The following TLN1 variants were observed in gnomAD, a reference collection of about 807,000 sequenced individuals.
The protein encoded by TLN1 is talin 1, also known as talin-1.
A neutral mutation model predicts 292.3 loss-of-function variants in TLN1; 56 were observed. That is an observed-to-expected ratio of 0.19 (90% CI 0.15 to 0.24). The LOEUF (loss-of-function observed/expected upper bound fraction) is 0.24, where lower values mean the gene tolerates loss of function less well. TLN1 is among the 10% of genes least tolerant of loss of function. The probability of loss-of-function intolerance (pLI) is 1.00; values close to 1 mark genes in which losing one functional copy is unlikely to be tolerated. For missense variants in TLN1, 2,433 were observed against 3,248.2 expected (o/e 0.75, Z 6.10); for synonymous variants, 1,119 against 1,253.7 (o/e 0.89, Z 2.27).
At chr9:35,725,125 G>C in intron 3 of TLN1, 99 bp downstream of exon 3, 17 of 1,529,014 alleles carry the variant, frequency 1.1e-5, no homozygotes, top group Non-Finnish European at 1.5e-5. Flanking sequence ...AGCATGGGGA[G>C]GGCTAAGAGA....
Position 35,724,341 on chromosome 9 carries a change from T to C in TLN1, c.512-7A>G. The C allele has an allele frequency of 2.5e-6, 4 of 1,614,166 alleles. No individual in the cohort carries two copies. Among genetic ancestry groups the C allele is most frequent in the Non-Finnish European group, 1.7e-6 (2 of 1,180,022 alleles). On this transcript the variant is annotated splice_polypyrimidine_tract_variant and splice_region_variant and intron_variant, in intron 5 of 56. Transcript: ENST00000314888. This position sits in a 1 kb window ranked among gnomAD's most constrained non-coding sequence, Gnocchi z 4.7. The stretch of plus-strand genomic sequence containing the variant: ...CCATGGTCCAGCCAGTTCACTGGGA[T>C]ACAGACAGTCCCCTCAGTGCCAAAC...
In TLN1 at chr9:35,717,130, G is replaced by T. The variant is rs780520865; in HGVS notation, c.2458+16C>A. 4 of 1,575,036 alleles carry T rather than the reference G, an allele frequency of 2.5e-6. No homozygotes were observed. The highest frequency in any genetic ancestry group is 1.4e-5 in the African/African-American group (1 of 73,452). On this transcript the variant is annotated intron_variant, in intron 19 of 56. Coordinates refer to ENST00000314888, the MANE Select transcript of TLN1 (RefSeq NM_006289.4). This position sits in a 1 kb window ranked among gnomAD's most constrained non-coding sequence, Gnocchi z 4.7. ...CCTGGTAGGGTTTTTTGTTTTCCTG[G>T]GGGTGCGTGTCTTACCAGCATCACC...
intron 2 of TLN1, 28 bp downstream of exon 2, chr9:35,725,537 C>G: frequency 6.2e-7 from 1 of 1,607,654 alleles, no homozygotes; most frequent in Admixed American, 1.7e-5. Context: ...AAGACTCCCA[C>G]TCCAGCCACC....
chr9:35,716,314 A>T, intron 20 of TLN1, 76 bp downstream of exon 20: 1 of 1,502,694 alleles, frequency 6.7e-7, no homozygotes, highest in Non-Finnish European at 9.1e-7. Context: ...CTCCCTCATC[A>T]GATGAGGGTG....
At chr9:35,708,736 T>C (rs929860590) in intron 33 of TLN1, among the ~76,000 whole-genome samples, 2 of 152,356 alleles carry the variant, frequency 1.3e-5, no homozygotes, top group African/African-American at 4.8e-5. Context: ...GAAAACTACA[T>C]AGCAAGGGTT....
chr9:35,712,979 A>G lies in TLN1; in HGVS notation c.3417T>C (p.Ala1139=). The change falls in exon 27 of 57, where the codon GCT becomes GCC. Residue 1139 remains alanine (A), a synonymous_variant. Coordinates refer to ENST00000314888, the MANE Select transcript of TLN1 (RefSeq NM_006289.4). ...RSLAQAARGV[A]ALTSDPAVQA... is the part of the protein sequence containing the mutation. The stretch of plus-strand genomic sequence containing the variant: ...GCACTGCAGGATCTGACGTCAGTGC[A>G]GCGACTCCCCTAGCGGCCTGGGCCA... 6.2e-7 allele frequency: 1 copy of G among 1,610,282 alleles called. No homozygotes were observed.
At position 35,704,600 on chromosome 9, in the gene TLN1, T is replaced by C; in HGVS notation, c.5880+69A>G. On this transcript the variant is annotated intron_variant, in intron 44 of 56. Transcript: ENST00000314888. This position sits in a 1 kb window ranked among gnomAD's most constrained non-coding sequence, Gnocchi z 6.9. ...GACAACAGGAGAGGGCTGAGAGGGC[T>C]GGAGGAGGATGGCAAAGGCTACAGA... 1.3e-6 allele frequency: 2 copies of C among 1,599,662 alleles called. No individual in the cohort carries two copies. Among genetic ancestry groups the C allele is most frequent in the Non-Finnish European group, 1.7e-6 (2 of 1,171,596 alleles).
Position 35,707,308 on chromosome 9 carries a change from G to A in TLN1, c.4773+40C>T, listed in dbSNP as rs116585564. 9.2e-4 allele frequency: 1,488 copies of A among 1,610,260 alleles called. 9 individuals carry two copies. In the African/African-American group the frequency reaches 0.017, roughly 19 times the overall value. ...CTCAGGAGTCCCTGGAAGATGAGGT[G>A]ATAAGCTGGCCCATCAGTTCCCCCT... On this transcript the variant is annotated intron_variant, in intron 36 of 56. Transcript: ENST00000314888. The surrounding 1 kb of genome is among the most constrained non-coding windows in gnomAD (Gnocchi z 5.6).
chr9:35,712,158 G>T, intron 27 of TLN1, 34 bp from the exon 28 acceptor site: 1 of 1,601,064 alleles, frequency 6.2e-7, no homozygotes, highest in South Asian at 1.1e-5. Flanking sequence ...TTGCCCAAGT[G>T]AAAAGAATTT....
In TLN1 at chr9:35,700,038, C is replaced by T. The variant is rs752190315; in HGVS notation, c.6704G>A (p.Arg2235Gln). ...ACACTCCCGGCCATAGTGCAGGGCT[C>T]GAAGCCGCACATCAGGGGCCACTTC... ...HPEVAPDVRL[R>Q]ALHYGRECAN... Residue 2235 changes from arginine to glutamine, a missense_variant, in exon 50 of 57, where the codon CGA becomes CAA. Physicochemically the swap from Arg to Gln is conservative, Grantham distance 43 (BLOSUM62 1). This residue lies in a region of TLN1 where 1,384 missense variants were observed against 1,699.6 expected (regional missense o/e 0.81). Transcript: ENST00000314888. 7.4e-6 allele frequency: 12 copies of T among 1,613,394 alleles called. No individual in the cohort carries two copies. Among genetic ancestry groups the T allele is most frequent in the African/African-American group, 1.3e-5 (1 of 74,992 alleles).
At chr9:35,716,642 G>A in intron 19 of TLN1, 86 bp from the exon 20 acceptor site, 5 of 1,463,006 alleles carry the variant, frequency 3.4e-6, no homozygotes, top group Non-Finnish European at 4.6e-6. Context: ...AAGTGGTGTA[G>A]ACAAGGTAGA....
Position 35,697,319 on chromosome 9 carries a change from C to T in TLN1, c.*472G>A, listed in dbSNP as rs1825383805. On this transcript the variant is annotated 3_prime_UTR_variant, in exon 57 of 57. Coordinates refer to ENST00000314888, the MANE Select transcript of TLN1 (RefSeq NM_006289.4). Reference sequence around the variant, plus strand: ...GCCCTGGGAGAAAACTTGTATCTCCCTTGAAGCCAGGCAGAGGTTGTAGGT... The same window carrying T: ...GCCCTGGGAGAAAACTTGTATCTCCTTTGAAGCCAGGCAGAGGTTGTAGGT... The T allele has an allele frequency of 6.4e-6, 1 of 156,848 alleles. No individual in the cohort carries two copies. Among genetic ancestry groups the T allele is most frequent in the African/African-American group, 2.4e-5 (1 of 41,626 alleles). The allele number at this position is 156,848 out of a possible 1,614,324, so 9.7% of individuals were successfully genotyped here.
Position 35,704,490 on chromosome 9 carries a change from G to A in TLN1, c.5889C>T (p.His1963=), listed in dbSNP as rs372681128. 1.3e-4 allele frequency: 210 copies of A among 1,609,162 alleles called. No homozygotes were observed. The highest frequency in any genetic ancestry group is 1.7e-4 in the Non-Finnish European group (201 of 1,177,188). Residue 1963 remains histidine (H), a synonymous_variant, in exon 45 of 57, where the codon CAC becomes CAT. Coordinates refer to ENST00000314888, the MANE Select transcript of TLN1 (RefSeq NM_006289.4). This position sits in a 1 kb window ranked among gnomAD's most constrained non-coding sequence, Gnocchi z 6.9. ...TCCCAGCCTGGAGCGCAGCCAGGACGTGGGAGACCTGGGTAGGGAATGTCA... is the reference window on the plus strand; with the variant it reads ...TCCCAGCCTGGAGCGCAGCCAGGACATGGGAGACCTGGGTAGGGAATGTCA... ...CARRVSEKVS[H]VLAALQAGNR...
At chr9:35,721,192 T>C (rs1825873510) in intron 10 of TLN1, among the ~76,000 whole-genome samples, 1 of 152,228 alleles carries the variant, frequency 6.6e-6, no homozygotes, top group Admixed American at 6.5e-5. Flanking sequence ...GATATAATAT[T>C]TGGCATAAAA....
In TLN1 at chr9:35,720,550, GA is replaced by G. The variant is rs780167148; in HGVS notation, c.1207-42del. On this transcript the variant is annotated intron_variant, in intron 11 of 56. Transcript: ENST00000314888. ...AGGAACAAGAGTTGGGATAGTTAAA[GA>G]AGAGGGAAGTGGAGAAAAGGCAGCC... 43 of 1,596,728 alleles carry G rather than the reference GA, an allele frequency of 2.7e-5. No individual in the cohort carries two copies. The Admixed American group carries it at 5.7e-4, about 21-fold the overall frequency.
At chr9:35,711,866 A>T in intron 28 of TLN1, 74 bp from the exon 29 acceptor site, 1 of 1,603,032 alleles carries the variant, frequency 6.2e-7, no homozygotes, top group Non-Finnish European at 8.5e-7. Context: ...AGGAGGGCTG[A>T]AAAGGTGGGC....
At position 35,699,600 on chromosome 9, in the gene TLN1, A is replaced by G; in HGVS notation, c.6769-139T>C. 7.0e-7 allele frequency: 1 copy of G among 1,428,968 alleles called. No individual in the cohort carries two copies. Among genetic ancestry groups the G allele is most frequent in the Non-Finnish European group, 9.1e-7 (1 of 1,094,650 alleles). The allele number at this position is 1,428,968 out of a possible 1,614,324, so 88.5% of individuals were successfully genotyped here. On this transcript the variant is annotated intron_variant, in intron 50 of 56. Coordinates refer to ENST00000314888, the MANE Select transcript of TLN1 (RefSeq NM_006289.4). This position sits in a 1 kb window ranked among gnomAD's most constrained non-coding sequence, Gnocchi z 4.0. ...ATAGCCCTCAAACTCCACGCTGCCT[A>G]TCCAAGTACACATCATGCATCACAC...
chr9:35,712,182 C>A, intron 27 of TLN1, 58 bp from the exon 28 acceptor site: 1 of 1,562,838 alleles, frequency 6.4e-7, no homozygotes, highest in East Asian at 2.3e-5. Context: ...AGATCGCCTC[C>A]ATTCACGCGA....
At position 35,719,510 on chromosome 9, in the gene TLN1, C is replaced by T; in HGVS notation, c.1687+9G>A. The T allele has an allele frequency of 6.2e-7, 1 of 1,612,332 alleles. No homozygotes were observed. The highest frequency in any genetic ancestry group is 2.2e-5 in the East Asian group (1 of 44,872). ...CCATCACACACCCGGAAGCTAGCAT[C>T]CGGCCTACCTGCTGTCAGGTTCACC... On this transcript the variant is annotated intron_variant, in intron 15 of 56. Coordinates refer to ENST00000314888, the MANE Select transcript of TLN1 (RefSeq NM_006289.4). The surrounding 1 kb of genome is among the most constrained non-coding windows in gnomAD (Gnocchi z 4.6).
Sources: allele counts gnomAD v4.1 joint callset (sites outside exome capture counted in the v4.1 genomes callset), GRCh38; gene constraint gnomAD v4.1.1; regional missense constraint gnomAD v4.1.1; non-coding constraint Gnocchi (gnomAD v3.1); transcripts MANE v1.5; gene names NCBI Gene and HGNC (gene_info 2026-07-23, HGNC 2026-07-21).